The following XPR1 variants were observed in gnomAD, a reference collection of about 807,000 sequenced individuals.
XPR1 encodes the protein xenotropic and polytropic retrovirus receptor 1.
In XPR1, 28 loss-of-function variants were observed where a neutral mutation model predicts 87.5. That is an observed-to-expected ratio of 0.32 (90% CI 0.24 to 0.44). The LOEUF is 0.44. XPR1 is among the 20% of genes least tolerant of loss of function. The probability of loss-of-function intolerance (pLI) is 1.00; values close to 1 mark genes in which losing one functional copy is unlikely to be tolerated. For missense variants in XPR1, 559 were observed against 862.3 expected (o/e 0.65, Z 4.41); for synonymous variants, 300 against 306.1 (o/e 0.98, Z 0.21).
chr1:180,752,869 T>C (rs1647586502), intron 2 of XPR1, among the ~76,000 whole-genome samples: 1 of 152,218 alleles, frequency 6.6e-6, no homozygotes, highest in Admixed American at 6.5e-5. Context: ...TTATTGATAA[T>C]GATTTTAGAT....
chr1:180,687,396 A>G (rs775683833), intron 2 of XPR1, among the ~76,000 whole-genome samples: 2 of 152,162 alleles, frequency 1.3e-5, no homozygotes, highest in Admixed American at 1.3e-4. Context: ...TCTTTGGGCC[A>G]TGTTATAGGG....
intron 3 of XPR1, among the ~76,000 whole-genome samples, chr1:180,789,301 A>T (rs1173914613): frequency 1.3e-5 from 2 of 152,196 alleles, no homozygotes; most frequent in Non-Finnish European, 2.9e-5. Context: ...TTTTCATATC[A>T]TGCTGGATGA....
chr1:180,856,548 A>G (rs1652040291), intron 11 of XPR1, among the ~76,000 whole-genome samples: 1 of 152,206 alleles, frequency 6.6e-6, no homozygotes, highest in African/African-American at 2.4e-5. Flanking sequence ...CTTAAAGTCA[A>G]CACGTCAAAA....
chr1:180,720,161 T>TA (rs1658135143), intron 2 of XPR1, among the ~76,000 whole-genome samples: 1 of 152,010 alleles, frequency 6.6e-6, no homozygotes, highest in Admixed American at 6.6e-5. Context: ...GGGATGCTTT[T>TA]AAAAAAGAAG....
intron 3 of XPR1, among the ~76,000 whole-genome samples, chr1:180,802,519 G>T (rs770818746): frequency 1.3e-5 from 2 of 152,064 alleles, no homozygotes; most frequent in Non-Finnish European, 2.9e-5. Context: ...TCTTAATGGC[G>T]TTTTTAAATT....
chr1:180,722,038 G>A (rs551242055), intron 2 of XPR1, among the ~76,000 whole-genome samples: 5 of 152,156 alleles, frequency 3.3e-5, no homozygotes, highest in Admixed American at 2.6e-4. Context: ...TGAGGTTGGC[G>A]AATTGCTTGA....
intron 2 of XPR1, among the ~76,000 whole-genome samples, chr1:180,733,605 A>G (rs1014936938): frequency 1.3e-5 from 2 of 152,226 alleles, no homozygotes; most frequent in African/African-American, 2.4e-5. Context: ...AACAAGGAAG[A>G]CAGTTCAGTA....
At chr1:180,831,362 C>CTTTTTTTT (rs753235095) in intron 9 of XPR1, among the ~76,000 whole-genome samples, 1 of 115,484 alleles carries the variant, frequency 8.7e-6, no homozygotes, top group African/African-American at 3.1e-5. Context: ...TTTTCTTTTT[C>CTTTTTTTT]TTTTTTTTTT....
chr1:180,709,338 T>C (rs1657675489), intron 2 of XPR1, among the ~76,000 whole-genome samples: 1 of 152,248 alleles, frequency 6.6e-6, no homozygotes, highest in East Asian at 1.9e-4. Context: ...GTGTGCAATT[T>C]GATAAGTTAT....
intron 1 of XPR1, among the ~76,000 whole-genome samples, chr1:180,664,011 C>G (rs1655873023): frequency 6.6e-6 from 1 of 152,230 alleles, no homozygotes; most frequent in Admixed American, 6.5e-5. Context: ...GCTGCCAGGC[C>G]TGGGACTCAC....
At chr1:180,774,260 A>G (rs1466674688) in intron 2 of XPR1, among the ~76,000 whole-genome samples, 1 of 152,166 alleles carries the variant, frequency 6.6e-6, no homozygotes, top group African/African-American at 2.4e-5. Flanking sequence ...ATCAGAATAA[A>G]AGAGAATATT....
At chr1:180,847,450 G>A (rs983313481) in intron 11 of XPR1, among the ~76,000 whole-genome samples, 18 of 152,144 alleles carry the variant, frequency 1.2e-4, no homozygotes, top group Non-Finnish European at 1.3e-4. Flanking sequence ...GGGCTTTGGA[G>A]TTAGGACTAG....
chr1:180,744,348 ATTC>A (rs1293874425), intron 2 of XPR1, among the ~76,000 whole-genome samples: 2 of 151,842 alleles, frequency 1.3e-5, no homozygotes, highest in Non-Finnish European at 2.9e-5. Flanking sequence ...ATTTATTTTT[ATTC>A]TTCTTTTGAT....
At chr1:180,747,948 C>T (rs1208617428) in intron 2 of XPR1, among the ~76,000 whole-genome samples, 2 of 151,874 alleles carry the variant, frequency 1.3e-5, no homozygotes, top group African/African-American at 4.8e-5. Flanking sequence ...GAACAACAAC[C>T]AAAACAAAAC....
intron 7 of XPR1, among the ~76,000 whole-genome samples, chr1:180,815,587 T>G (rs1650379103): frequency 6.6e-6 from 1 of 152,210 alleles, no homozygotes; most frequent in Admixed American, 6.5e-5. Context: ...CATGACCTAG[T>G]ATTTAATAAT....
chr1:180,843,721 T>C (rs1342504898), intron 11 of XPR1, among the ~76,000 whole-genome samples: 2 of 151,884 alleles, frequency 1.3e-5, no homozygotes, highest in Non-Finnish European at 2.9e-5. Flanking sequence ...AGAACACATA[T>C]GCTTACACCC....
At chr1:180,795,597 T>C (rs558967469) in intron 3 of XPR1, among the ~76,000 whole-genome samples, 26 of 152,212 alleles carry the variant, frequency 1.7e-4, no homozygotes, top group Non-Finnish European at 3.2e-4. Flanking sequence ...TGTTTGAACC[T>C]GACTACTTAA....
In XPR1 at chr1:180,796,953, A is replaced by G. The variant is rs553815274; in HGVS notation, c.224-6435A>G. ...TATGATTCTTTTACATGAAATGTTC[A>G]GAAAAGGCAAATCAGCAGAGACAGA... is the stretch of plus-strand genomic sequence containing the variant. On this transcript the variant is annotated intron_variant, in intron 3 of 14. Coordinates refer to ENST00000367590, the MANE Select transcript of XPR1 (RefSeq NM_004736.4). 1.1e-4 allele frequency among the ~76,000 whole-genome samples: 17 copies of G among 152,318 alleles called. No individual in the cohort carries two copies. The East Asian group carries it at 2.9e-3, about 26-fold the overall frequency.
chr1:180,873,607 GA>G (rs1652573277), intron 12 of XPR1, among the ~76,000 whole-genome samples, 195 bp from the exon 13 acceptor site: 1 of 152,088 alleles, frequency 6.6e-6, no homozygotes, highest in African/African-American at 2.4e-5. Context: ...TACCATTTAA[GA>G]AAAAACTAAA....
Sources: gnomAD v4.1 joint callset for allele counts (sites outside exome capture counted in the v4.1 genomes callset) on GRCh38, gnomAD v4.1.1 for gene constraint, MANE v1.5 for transcripts, NCBI Gene and HGNC (gene_info 2026-07-23, HGNC 2026-07-21) for gene names.